The following ENTREP2 variants were observed in gnomAD, a reference collection of about 807,000 sequenced individuals.
ENTREP2 encodes the protein protein ENTREP2.
the ENTREP2 span, among the ~76,000 whole-genome samples, chr15:29,637,947 G>A: frequency 6.6e-6 from 1 of 152,246 alleles, no homozygotes; most frequent in East Asian, 1.9e-4. Context: ...AGTTATTGTT[G>A]GCCAGGAGGA....
At chr15:29,394,889 T>C in the ENTREP2 span, among the ~76,000 whole-genome samples, 4 of 112,208 alleles carry the variant, frequency 3.6e-5, no homozygotes, top group Non-Finnish European at 5.5e-5. Flanking sequence ...TCTCTTTTTT[T>C]TTTTTTTTTT....
the ENTREP2 span, among the ~76,000 whole-genome samples, chr15:29,242,393 C>T: frequency 3.3e-5 from 5 of 152,086 alleles, no homozygotes; most frequent in East Asian, 1.9e-4. Flanking sequence ...AATTAAAAAA[C>T]GTGTATATTT....
chr15:29,136,573 G>A, the ENTREP2 span: 217 of 1,501,176 alleles, frequency 1.4e-4, 2 homozygotes, highest in South Asian at 1.2e-3. Flanking sequence ...TCTCAAAGCC[G>A]CCAGAGCAGG....
chr15:29,139,508 T>G, the ENTREP2 span, among the ~76,000 whole-genome samples: 3 of 152,154 alleles, frequency 2.0e-5, no homozygotes, highest in African/African-American at 7.2e-5. Context: ...AGAAAAAATA[T>G]CAATGACATA....
At chr15:29,406,023 A>G in the ENTREP2 span, among the ~76,000 whole-genome samples, 1 of 152,214 alleles carries the variant, frequency 6.6e-6, no homozygotes, top group South Asian at 2.1e-4. Flanking sequence ...TCCTGTTAAC[A>G]TGTGGCTGGG....
At chr15:29,366,261 G>A in the ENTREP2 span, among the ~76,000 whole-genome samples, 5 of 152,230 alleles carry the variant, frequency 3.3e-5, no homozygotes, top group South Asian at 8.3e-4. Context: ...TTTTAGTAGA[G>A]ACAGGGTTTC....
the ENTREP2 span, chr15:29,136,223 G>A: frequency 7.4e-6 from 6 of 816,052 alleles, no homozygotes; most frequent in East Asian, 3.1e-5. Context: ...GCATCCGGGG[G>A]CCTCGGCACA....
At chr15:29,163,233 T>C in the ENTREP2 span, among the ~76,000 whole-genome samples, 1 of 152,020 alleles carries the variant, frequency 6.6e-6, no homozygotes, top group South Asian at 2.1e-4. Flanking sequence ...CCAATGCTGG[T>C]AATATGACAA....
At chr15:29,654,056 T>C in the ENTREP2 span, among the ~76,000 whole-genome samples, 1 of 152,226 alleles carries the variant, frequency 6.6e-6, no homozygotes, top group Non-Finnish European at 1.5e-5. Flanking sequence ...AGTATAGCTA[T>C]ACTTATCTTA....
At chr15:29,229,452 T>C in the ENTREP2 span, among the ~76,000 whole-genome samples, 2 of 152,214 alleles carry the variant, frequency 1.3e-5, no homozygotes, top group East Asian at 3.8e-4. Flanking sequence ...TAATTGAGCT[T>C]ATGGAAAGAG....
the ENTREP2 span, among the ~76,000 whole-genome samples, chr15:29,458,064 CAGAAGCTG>C: frequency 3.3e-5 from 5 of 152,088 alleles, no homozygotes; most frequent in African/African-American, 1.2e-4. Flanking sequence ...CACACAATTA[CAGAAGCTG>C]AGAAGTCTTA....
At chr15:29,286,435 C>T in the ENTREP2 span, among the ~76,000 whole-genome samples, 3 of 152,146 alleles carry the variant, frequency 2.0e-5, no homozygotes, top group Admixed American at 6.5e-5. Context: ...ATGGATGCAA[C>T]GCAATCTCCC....
the ENTREP2 span, among the ~76,000 whole-genome samples, chr15:29,179,619 T>A: frequency 6.6e-6 from 1 of 151,150 alleles, no homozygotes; most frequent in Non-Finnish European, 1.5e-5. Flanking sequence ...CTCGCTCTGT[T>A]GCCCAGGCTG....
chr15:29,555,765 T>C, the ENTREP2 span, among the ~76,000 whole-genome samples: 1 of 152,212 alleles, frequency 6.6e-6, no homozygotes, highest in Non-Finnish European at 1.5e-5. Flanking sequence ...TGCATCCTTC[T>C]TTCCTACCTC....
chr15:29,171,477 G>A, the ENTREP2 span, among the ~76,000 whole-genome samples: 1 of 152,136 alleles, frequency 6.6e-6, no homozygotes, highest in African/African-American at 2.4e-5. Context: ...TCCCAACTCA[G>A]GCACAGCTGC....
the ENTREP2 span, chr15:29,569,833 GCCGCCCCC>G: frequency 6.6e-6 from 1 of 152,524 alleles, no homozygotes; most frequent in Non-Finnish European, 1.5e-5. Flanking sequence ...CAGAAAGCAC[GCCGCCCCC>G]CCTTGCCTGC....
the ENTREP2 span, among the ~76,000 whole-genome samples, chr15:29,480,434 A>G: frequency 1.3e-5 from 2 of 149,962 alleles, no homozygotes; most frequent in African/African-American, 2.5e-5. Context: ...TCTGGCACAG[A>G]GGGCCCCCCA....
At chr15:29,405,299 G>A in the ENTREP2 span, among the ~76,000 whole-genome samples, 1 of 151,726 alleles carries the variant, frequency 6.6e-6, no homozygotes, top group Admixed American at 6.6e-5. Context: ...TGAGGCAGGT[G>A]AATCGTTTGA....
At chr15:29,292,450 A>G in the ENTREP2 span, among the ~76,000 whole-genome samples, 2 of 151,174 alleles carry the variant, frequency 1.3e-5, no homozygotes, top group Non-Finnish European at 1.5e-5. Flanking sequence ...GCACGGTCTT[A>G]GCTCACTGCA....
Sources: gnomAD v4.1 joint callset for allele counts (sites outside exome capture counted in the v4.1 genomes callset) on GRCh38, gnomAD v4.1.1 for gene constraint, MANE v1.5 for transcripts, NCBI Gene and HGNC (gene_info 2026-07-23, HGNC 2026-07-21) for gene names.